Variants in CD99 observed in about 807,000 individuals in gnomAD.
CD99 encodes CD99 molecule (Xg blood group), also known as CD99 antigen.
Under a neutral mutation model 28.4 loss-of-function variants are expected in CD99, and 19 were observed. The ratio of observed to expected loss-of-function variants is 0.67; its 90% confidence interval spans 0.47 to 0.98. CD99 has a LOEUF of 0.98. CD99 is among the 50% of genes least tolerant of loss of function. CD99 has a pLI of 0.00. For missense variants in CD99, 283 were observed against 248.8 expected (o/e 1.14, Z -0.92); for synonymous variants, 103 against 92.1 (o/e 1.12, Z -0.67).
At position 2,720,424 on chromosome X, in the gene CD99, G is replaced by A. The variant is rs749005122; in HGVS notation, c.262G>A (p.Gly88Ser). ...NPNPNHPSSS[G>S]SFSDADLADG... ...AAACCCCAACCACCCTAGTTCCTCC[G>A]GTAAGAGTCTCTGACCCTGTGGGAT... Residue 88 changes from glycine to serine, a missense_variant and splice_region_variant, in exon 5 of 10, where the codon GGT (glycine) becomes AGT (serine). Transcript: ENST00000381192. 3.7e-6 allele frequency: 6 copies of A among 1,613,402 alleles called. No homozygotes were observed. Among genetic ancestry groups the A allele is most frequent in the East Asian group, 2.2e-5 (1 of 44,858 alleles).
intron 8 of CD99, among the ~76,000 whole-genome samples, chrX:2,730,446 ACAGG>A (rs1369394429): frequency 6.6e-6 from 1 of 152,160 alleles, no homozygotes; most frequent in Non-Finnish European, 1.5e-5. Context: ...TGCTAGAATT[ACAGG>A]CATGAGCCAC....
Position 2,719,649 on chromosome X carries a change from C to G in CD99, c.149-12C>G. ...TGGAATTTGGTATTAACTGCTCTTT[C>G]CCCTCTTTTAGGGGATGACTTTGAC... On this transcript the variant is annotated splice_polypyrimidine_tract_variant and intron_variant, in intron 3 of 9. Coordinates refer to ENST00000381192, the MANE Select transcript of CD99 (RefSeq NM_002414.5). 1.2e-6 allele frequency: 2 copies of G among 1,613,564 alleles called. No individual in the cohort carries two copies. The highest frequency in any genetic ancestry group is 2.2e-5 in the South Asian group (2 of 91,076).
intron 1 of CD99, among the ~76,000 whole-genome samples, chrX:2,697,743 G>A (rs138175527): frequency 7.4e-4 from 112 of 152,174 alleles, no homozygotes; most frequent in Non-Finnish European, 1.3e-3. Context: ...CTCTTCTGCT[G>A]CTGTTGCTAG....
intron 1 of CD99, among the ~76,000 whole-genome samples, chrX:2,704,615 G>A (rs1339851683): frequency 1.3e-5 from 2 of 151,890 alleles, no homozygotes; most frequent in East Asian, 3.9e-4. Flanking sequence ...GCAGAGATGG[G>A]GTTTTGCCTT....
chrX:2,693,679 G>C (rs1378129487), intron 1 of CD99, among the ~76,000 whole-genome samples: 1 of 152,128 alleles, frequency 6.6e-6, no homozygotes, highest in Non-Finnish European at 1.5e-5. Flanking sequence ...AGAGTGTTGG[G>C]GACCCTGTGT....
chrX:2,711,435 ATG>A (rs201275302), intron 1 of CD99, among the ~76,000 whole-genome samples: 3 of 149,522 alleles, frequency 2.0e-5, no homozygotes, highest in East Asian at 2.0e-4. Context: ...TAGTATGTGT[ATG>A]TGTGTATATA....
At chrX:2,703,328 A>G (rs1218752756) in intron 1 of CD99, among the ~76,000 whole-genome samples, 1 of 152,096 alleles carries the variant, frequency 6.6e-6, no homozygotes, top group Non-Finnish European at 1.5e-5. Context: ...CACGGGGAAA[A>G]TACACATTTG....
At chrX:2,717,886 G>A in intron 3 of CD99, 1 of 547,854 alleles carries the variant, frequency 1.8e-6, no homozygotes, top group South Asian at 2.6e-5. Context: ...CAACATCTCT[G>A]TGTGCTTTTA....
intron 7 of CD99, 34 bp downstream of exon 7, chrX:2,723,398 C>G: frequency 6.2e-7 from 1 of 1,611,014 alleles, no homozygotes; most frequent in Non-Finnish European, 8.5e-7. Context: ...TCTTGTCTCT[C>G]CCACGTGGTG....
intron 5 of CD99, among the ~76,000 whole-genome samples, chrX:2,722,144 A>C: frequency 6.8e-6 from 1 of 147,186 alleles, no homozygotes; most frequent in South Asian, 2.2e-4. Flanking sequence ...AAAAAAAAAC[A>C]AACCTGCATC....
chrX:2,739,876 G>A (rs184610324), intron 9 of CD99, among the ~76,000 whole-genome samples: 7 of 141,108 alleles, frequency 5.0e-5, no homozygotes, highest in African/African-American at 1.9e-4. Flanking sequence ...GGGAGTTCGA[G>A]ACCAGCCTGA....
At chrX:2,712,492 A>G (rs1352146551) in intron 1 of CD99, among the ~76,000 whole-genome samples, 1 of 152,128 alleles carries the variant, frequency 6.6e-6, no homozygotes, top group Non-Finnish European at 1.5e-5. Flanking sequence ...GCATATATAT[A>G]TTTATATGTG....
chrX:2,720,054 C>T (rs1012736613), intron 4 of CD99, among the ~76,000 whole-genome samples: 5 of 152,130 alleles, frequency 3.3e-5, no homozygotes, highest in Admixed American at 3.3e-4. Flanking sequence ...GCTCTGTTGC[C>T]GCCATCTTGG....
At chrX:2,692,537 G>C (rs1252626685) in intron 1 of CD99, among the ~76,000 whole-genome samples, 1 of 152,206 alleles carries the variant, frequency 6.6e-6, no homozygotes, top group Admixed American at 6.5e-5. Context: ...GGGTATCCTA[G>C]AAATTGTGCT....
At position 2,712,756 on chromosome X, in the gene CD99, AAC is replaced by A. The variant is rs777980846; in HGVS notation, c.68-1659_68-1658del. 3.0e-4 allele frequency among the ~76,000 whole-genome samples: 46 copies of A among 152,156 alleles called. 1 individual carries two copies. The highest frequency in any genetic ancestry group is 1.1e-3 in the Admixed American group (17 of 15,286). On this transcript the variant is annotated intron_variant, in intron 1 of 9. Transcript: ENST00000381192. ...TCTACTTATTGTTGACACACACAGA[AAC>A]ACACACGCAGCCATGAGTACACACA...
chrX:2,717,145 G>A (rs1305200768), intron 2 of CD99, among the ~76,000 whole-genome samples: 8 of 152,144 alleles, frequency 5.3e-5, no homozygotes, highest in African/African-American at 1.7e-4. Context: ...TCAGGAGTTC[G>A]AGACCAACCT....
chrX:2,725,672 G>A (rs950915563), intron 7 of CD99, among the ~76,000 whole-genome samples: 7 of 152,116 alleles, frequency 4.6e-5, no homozygotes, highest in Admixed American at 2.6e-4. Context: ...GGAGTGCAGC[G>A]GCACAATCTC....
At chrX:2,723,593 C>T (rs1244347471) in intron 7 of CD99, among the ~76,000 whole-genome samples, 1 of 152,192 alleles carries the variant, frequency 6.6e-6, no homozygotes, top group East Asian at 1.9e-4. Flanking sequence ...GTTTGGTCAC[C>T]TGCCCACGAT....
At chrX:2,719,513 C>G (rs1280247834) in intron 3 of CD99, 148 bp from the exon 4 acceptor site, 3 of 710,050 alleles carry the variant, frequency 4.2e-6, no homozygotes, top group Non-Finnish European at 7.6e-6. Flanking sequence ...CAGGAATTCA[C>G]TTTTTCTAAT....
Sources: allele counts gnomAD v4.1 joint callset (sites outside exome capture counted in the v4.1 genomes callset), GRCh38; gene constraint gnomAD v4.1.1; transcripts MANE v1.5; gene names NCBI Gene and HGNC (gene_info 2026-07-23, HGNC 2026-07-21).